BHMT2: variants seen among roughly 807,000 people sequenced by gnomAD.
The protein encoded by BHMT2 is S-methylmethionine--homocysteine S-methyltransferase BHMT2.
BHMT2 carries 28 observed loss-of-function variants against 39.0 expected under a neutral mutation model. The ratio of observed to expected loss-of-function variants is 0.72; its 90% CI spans 0.53 to 0.98. The LOEUF (loss-of-function observed/expected upper bound fraction) is 0.98, where lower values mean the gene tolerates loss of function less well. Among genes scored for constraint, BHMT2 ranks in the 50% least tolerant of loss-of-function variants. BHMT2 has a pLI of 0.00. For missense variants in BHMT2, 410 were observed against 455.6 expected (o/e 0.90, Z 0.91); for synonymous variants, 145 against 160.6 (o/e 0.90, Z 0.74).
At chr5:79,088,158 C>G (rs1339855553) in intron 7 of BHMT2, among the ~76,000 whole-genome samples, 2 of 152,120 alleles carry the variant, frequency 1.3e-5, no homozygotes, top group Admixed American at 1.3e-4. Context: ...CCAGCCTGGG[C>G]AACAGAGCAA....
chr5:79,085,792 C>T (rs1755881527), intron 7 of BHMT2, among the ~76,000 whole-genome samples: 1 of 152,154 alleles, frequency 6.6e-6, no homozygotes, highest in African/African-American at 2.4e-5. Flanking sequence ...TCCCTTTGTC[C>T]AGCAACAGCC....
intron 2 of BHMT2, among the ~76,000 whole-genome samples, chr5:79,078,559 C>T (rs1355931330): frequency 1.3e-5 from 2 of 152,216 alleles, no homozygotes; most frequent in Admixed American, 1.3e-4. Context: ...GTCACTTGAC[C>T]TCTCCAAGGA....
chr5:79,087,267 A>C (rs1755919744), intron 7 of BHMT2, among the ~76,000 whole-genome samples: 1 of 151,852 alleles, frequency 6.6e-6, no homozygotes, highest in Non-Finnish European at 1.5e-5. Flanking sequence ...TCACTTAGCC[A>C]AAGCTTTCTT....
intron 1 of BHMT2, 145 bp downstream of exon 1, chr5:79,069,960 C>A: frequency 1.1e-6 from 1 of 909,462 alleles, no homozygotes; most frequent in Non-Finnish European, 1.5e-6. Flanking sequence ...CAATTTTCCC[C>A]TGTCACGGGT....
intron 1 of BHMT2, among the ~76,000 whole-genome samples, chr5:79,074,763 A>G (rs76629298): frequency 6.6e-6 from 1 of 152,198 alleles, no homozygotes; most frequent in Non-Finnish European, 1.5e-5. Context: ...AGCTGGACAC[A>G]TGGACATTCA....
At chr5:79,079,308 T>G in intron 2 of BHMT2, 61 bp from the exon 3 acceptor site, 3 of 1,273,108 alleles carry the variant, frequency 2.4e-6, no homozygotes, top group Non-Finnish European at 3.4e-6. Flanking sequence ...TTGAAAATGA[T>G]AGCTTCTGTA....
intron 7 of BHMT2, among the ~76,000 whole-genome samples, chr5:79,085,857 T>C (rs1755882811): frequency 6.6e-6 from 1 of 152,204 alleles, no homozygotes; most frequent in African/African-American, 2.4e-5. Flanking sequence ...TTCTCTGTTA[T>C]GCTCCCAAAC....
At chr5:79,070,782 C>G (rs1330228304) in intron 1 of BHMT2, among the ~76,000 whole-genome samples, 1 of 152,136 alleles carries the variant, frequency 6.6e-6, no homozygotes, top group Non-Finnish European at 1.5e-5. Context: ...AGCTAAGTGC[C>G]TTGGCAATGT....
Position 79,089,801 on chromosome 5 carries a change from A to G in BHMT2, c.*1227A>G, listed in dbSNP as rs1339841916. ...GCCAACATGGCAAAACCCCATCTCT[A>G]CTAAATAAAATACAAAAATTATCCA... On this transcript the variant is annotated 3_prime_UTR_variant, in exon 8 of 8. Transcript: ENST00000255192. Among the ~76,000 whole-genome samples the G allele has an allele frequency of 6.6e-6, 1 of 152,116 alleles. No homozygotes were observed. The highest frequency in any genetic ancestry group is 1.5e-5 in the Non-Finnish European group (1 of 68,028).
Position 79,083,834 on chromosome 5 carries a change from A to G in BHMT2, c.988A>G (p.Thr330Ala). The G allele has an allele frequency of 6.2e-7, 1 of 1,614,020 alleles. No homozygotes were observed. The highest frequency in any genetic ancestry group is 8.5e-7 in the Non-Finnish European group (1 of 1,179,948). The change falls in exon 7 of 8, where the codon ACC becomes GCC. Residue 330 changes from threonine (T) to alanine (A), a missense_variant. Physicochemically the swap from Thr to Ala is moderately conservative, Grantham distance 58. Coordinates refer to ENST00000255192, the MANE Select transcript of BHMT2 (RefSeq NM_017614.5). ...CTGGGGAAGTGGTTTGGACATGCAC[A>G]CCAAACCCTGGATTAGAGCAAGGTA... ...GSWGSGLDMH[T>A]KPWIRARARR...
intron 1 of BHMT2, among the ~76,000 whole-genome samples, chr5:79,076,055 T>C (rs1755665456): frequency 6.6e-6 from 1 of 152,174 alleles, no homozygotes; most frequent in East Asian, 1.9e-4. Context: ...CTTGCCAGTG[T>C]ACTGGAAAAA....
In BHMT2 at chr5:79,083,316, G is replaced by A. The variant is rs749718691; in HGVS notation, c.723G>A (p.Gly241=). The change falls in exon 6 of 8, where the codon GGG becomes GGA. Residue 241 remains glycine, a synonymous_variant. Coordinates refer to ENST00000255192, the MANE Select transcript of BHMT2 (RefSeq NM_017614.5). ...CGCACCTCATGGTGCAGCCTCTGGG[G>A]TTCCACGCGCCTGACTGTGGCAAAG... is the stretch of plus-strand genomic sequence containing the variant. ...LKAHLMVQPL[G]FHAPDCGKEG... is the part of the protein sequence containing the mutation. The A allele has an allele frequency of 6.2e-7, 1 of 1,612,290 alleles. No homozygotes were observed. Among genetic ancestry groups the A allele is most frequent in the East Asian group, 2.2e-5 (1 of 44,816 alleles).
In BHMT2 at chr5:79,090,064, C is replaced by T. The variant is rs547755249; in HGVS notation, c.*1490C>T. On this transcript the variant is annotated 3_prime_UTR_variant, in exon 8 of 8. Transcript: ENST00000255192. ...ATTTGTGGCAATAAAAATGATTTAC[C>T]TTTTATAGTGTTTGAATGTCGAAAA... Among the ~76,000 whole-genome samples the T allele has an allele frequency of 6.6e-6, 1 of 152,032 alleles. No homozygotes were observed. Among genetic ancestry groups the T allele is most frequent in the South Asian group, 2.1e-4 (1 of 4,824 alleles).
At chr5:79,071,824 A>AT (rs553463219) in intron 1 of BHMT2, among the ~76,000 whole-genome samples, 1 of 81,332 alleles carries the variant, frequency 1.2e-5, no homozygotes, top group Non-Finnish European at 2.9e-5. Flanking sequence ...CTTAAAAGTA[A>AT]AAAAAAAAAA....
chr5:79,069,940 C>A, intron 1 of BHMT2, 125 bp downstream of exon 1: 1 of 1,038,422 alleles, frequency 9.6e-7, no homozygotes, highest in Non-Finnish European at 1.3e-6. Context: ...GACGGGATGG[C>A]CCTGAGCCTC....
chr5:79,088,109 G>C (rs1241152622), intron 7 of BHMT2, among the ~76,000 whole-genome samples: 1 of 152,224 alleles, frequency 6.6e-6, no homozygotes, highest in Admixed American at 6.5e-5. Context: ...GAATCCAGGA[G>C]GTCTAGGCTG....
At chr5:79,073,779 A>T (rs1447822039) in intron 1 of BHMT2, among the ~76,000 whole-genome samples, 1 of 152,174 alleles carries the variant, frequency 6.6e-6, no homozygotes, top group Non-Finnish European at 1.5e-5. Flanking sequence ...CCTGCCCTCC[A>T]AGTGCACAGT....
At position 79,083,831 on chromosome 5, in the gene BHMT2, C is replaced by T; in HGVS notation, c.985C>T (p.His329Tyr). 1 of 1,614,008 alleles carries T rather than the reference C, an allele frequency of 6.2e-7. No individual in the cohort carries two copies. Residue 329 changes from histidine to tyrosine, a missense_variant, in exon 7 of 8, where the codon CAC (histidine) becomes TAC (tyrosine). Physicochemically the swap from His to Tyr is moderately conservative, Grantham distance 83. Transcript: ENST00000255192. ...HGSWGSGLDM[H>Y]TKPWIRARAR... The stretch of plus-strand genomic sequence containing the variant: ...CAGCTGGGGAAGTGGTTTGGACATG[C>T]ACACCAAACCCTGGATTAGAGCAAG...
At chr5:79,088,287 A>G (rs1273690110) in intron 7 of BHMT2, among the ~76,000 whole-genome samples, 3 of 152,100 alleles carry the variant, frequency 2.0e-5, no homozygotes, top group Non-Finnish European at 4.4e-5. Flanking sequence ...ATTAATGGAT[A>G]TGGACACAGT....
Sources: allele counts gnomAD v4.1 joint callset (sites outside exome capture counted in the v4.1 genomes callset), GRCh38; gene constraint gnomAD v4.1.1; transcripts MANE v1.5; gene names NCBI Gene and HGNC (gene_info 2026-07-23, HGNC 2026-07-21).